The following LAPTM4B variants were observed in gnomAD, a reference collection of about 807,000 sequenced individuals.
The protein encoded by LAPTM4B is lysosomal-associated transmembrane protein 4B.
A neutral mutation model predicts 28.5 loss-of-function variants in LAPTM4B; 26 were observed. The observed-to-expected ratio is 0.91, with a 90% CI of 0.67 to 1.27. The LOEUF is 1.27. Ranked by LOEUF, LAPTM4B falls within the 50% of genes most tolerant of loss-of-function variation. The pLI is 0.00. For synonymous variants in LAPTM4B, 109 were observed against 106.4 expected, an observed-to-expected ratio of 1.02 and a Z score of -0.15; for missense variants, 288 against 285.8, an observed-to-expected ratio of 1.01 and a Z score of -0.06.
intron 2 of LAPTM4B, among the ~76,000 whole-genome samples, chr8:97,812,216 TGTTG>T (rs1428557318): frequency 0.03 from 805 of 27,118 alleles, 10 homozygotes; most frequent in African/African-American, 0.042. Flanking sequence ...GTTTTTTTTT[TGTTG>T]TTTTTTGTTT....
chr8:97,811,977 T>C (rs1443847702), intron 2 of LAPTM4B, among the ~76,000 whole-genome samples: 1 of 151,930 alleles, frequency 6.6e-6, no homozygotes, highest in Non-Finnish European at 1.5e-5. Flanking sequence ...GGCTAATTTT[T>C]GTATTTTTAG....
Position 97,837,877 on chromosome 8 carries a change from T to C in LAPTM4B, c.603+12724T>C, listed in dbSNP as rs138469784. Among the ~76,000 whole-genome samples, 40 of 152,366 alleles carry C rather than the reference T, an allele frequency of 2.6e-4. No individual in the cohort carries two copies. The East Asian group carries it at 7.5e-3, about 29-fold the overall frequency. ...TACTAAGTTTAGAAGAGAGATCTTA[T>C]TACTAATATCTCAATTTTAGGTATC... On this transcript the variant is annotated intron_variant, in intron 6 of 6. Transcript: ENST00000521545.
chr8:97,818,982 A>G (rs1402013480), intron 4 of LAPTM4B, among the ~76,000 whole-genome samples, 158 bp from the exon 5 acceptor site: 1 of 152,184 alleles, frequency 6.6e-6, no homozygotes, highest in Non-Finnish European at 1.5e-5. Context: ...TTTATATGGT[A>G]AGAGGGCAGA....
chr8:97,792,544 C>T (rs1408286147), intron 1 of LAPTM4B, among the ~76,000 whole-genome samples: 2 of 151,528 alleles, frequency 1.3e-5, no homozygotes, highest in Middle Eastern at 3.5e-3. Flanking sequence ...TGTGAGCCGC[C>T]GTGCCTAGCC....
chr8:97,807,399 C>T (rs1297356477), intron 2 of LAPTM4B, among the ~76,000 whole-genome samples: 5 of 152,158 alleles, frequency 3.3e-5, no homozygotes, highest in African/African-American at 1.2e-4. Flanking sequence ...GGCAAAACAC[C>T]ATCTCTACTA....
At chr8:97,782,017 G>C (rs1004586459) in intron 1 of LAPTM4B, among the ~76,000 whole-genome samples, 9 of 144,036 alleles carry the variant, frequency 6.2e-5, no homozygotes, top group Admixed American at 5.6e-4. Flanking sequence ...TTTAGCTCTT[G>C]TTGCCCAGGC....
chr8:97,852,129 A>G lies in LAPTM4B; in HGVS notation c.*655A>G, dbSNP rs548427818. ...TCTTGTGGATCTTGTGTCCAGGGACATGGGGTGACATGCCTCGTATGTGTT... is the reference window on the plus strand; with the variant it reads ...TCTTGTGGATCTTGTGTCCAGGGACGTGGGGTGACATGCCTCGTATGTGTT... On this transcript the variant is annotated 3_prime_UTR_variant, in exon 7 of 7. Transcript: ENST00000521545. 204 of 153,160 alleles carry G rather than the reference A, an allele frequency of 1.3e-3. No homozygotes were observed. The highest frequency in any genetic ancestry group is 2.3e-3 in the Non-Finnish European group (157 of 68,700). 9.5% of individuals were successfully genotyped at this position (153,160 alleles called of 1,614,324 possible).
intron 6 of LAPTM4B, among the ~76,000 whole-genome samples, chr8:97,828,784 G>A (rs1049579783): frequency 1.2e-4 from 18 of 152,316 alleles, no homozygotes; most frequent in African/African-American, 4.1e-4. Flanking sequence ...GAGAGACTGC[G>A]AAATGTGGTG....
At chr8:97,776,132 G>A in intron 1 of LAPTM4B, 24 bp downstream of exon 1, 1 of 1,552,262 alleles carries the variant, frequency 6.4e-7, no homozygotes, top group Non-Finnish European at 8.6e-7. Flanking sequence ...GCCCGGCCCG[G>A]GACCCTGCGT....
chr8:97,835,395 T>G (rs918130975), intron 6 of LAPTM4B, among the ~76,000 whole-genome samples: 1 of 152,194 alleles, frequency 6.6e-6, no homozygotes, highest in Non-Finnish European at 1.5e-5. Context: ...ATATTGGAGA[T>G]CATTCCCTGG....
At chr8:97,829,532 G>A (rs1817146762) in intron 6 of LAPTM4B, among the ~76,000 whole-genome samples, 1 of 152,088 alleles carries the variant, frequency 6.6e-6, no homozygotes, top group African/African-American at 2.4e-5. Flanking sequence ...AGATGCATAA[G>A]GGAGCAGCAA....
chr8:97,799,301 T>A (rs1266373362), intron 1 of LAPTM4B, among the ~76,000 whole-genome samples: 1 of 152,176 alleles, frequency 6.6e-6, no homozygotes, highest in Admixed American at 6.5e-5. Context: ...TTAATTGGCT[T>A]TCTAGAATTG....
chr8:97,814,325 C>G lies in LAPTM4B; in HGVS notation c.212-1003C>G, dbSNP rs368252004. On this transcript the variant is annotated intron_variant, in intron 2 of 6. Transcript: ENST00000521545. ...AGGAGTTCGAGACCAGCCTGGCCAACATGGTGAAACCCCCGTCTCTACTAA... is the reference window on the plus strand; with the variant it reads ...AGGAGTTCGAGACCAGCCTGGCCAAGATGGTGAAACCCCCGTCTCTACTAA... 1.8e-4 allele frequency among the ~76,000 whole-genome samples: 28 copies of G among 152,268 alleles called. 1 individual carries two copies. In the East Asian group the frequency reaches 4.4e-3, roughly 24 times the overall value.
At chr8:97,777,552 CCCTT>C (rs1816243811) in intron 1 of LAPTM4B, among the ~76,000 whole-genome samples, 2 of 152,096 alleles carry the variant, frequency 1.3e-5, no homozygotes, top group East Asian at 3.9e-4. Flanking sequence ...AACTGTGAAC[CCCTT>C]CCTTGTACCA....
chr8:97,841,139 C>T (rs545716438), intron 6 of LAPTM4B, among the ~76,000 whole-genome samples: 1 of 98,600 alleles, frequency 1.0e-5, no homozygotes, highest in Admixed American at 9.6e-5. Context: ...TCCTCACTTC[C>T]CAGTCAGGGT....
At chr8:97,794,334 A>T (rs1816549634) in intron 1 of LAPTM4B, among the ~76,000 whole-genome samples, 1 of 152,114 alleles carries the variant, frequency 6.6e-6, no homozygotes, top group African/African-American at 2.4e-5. Context: ...CTCATCTTGA[A>T]CTTTTGGCCT....
chr8:97,814,886 G>C (rs569968733), intron 2 of LAPTM4B, among the ~76,000 whole-genome samples: 1 of 152,082 alleles, frequency 6.6e-6, no homozygotes, highest in Non-Finnish European at 1.5e-5. Flanking sequence ...GTACACATGG[G>C]GTTTCACTGT....
chr8:97,830,956 G>A (rs756131671), intron 6 of LAPTM4B, among the ~76,000 whole-genome samples: 22 of 152,234 alleles, frequency 1.4e-4, no homozygotes, highest in Non-Finnish European at 2.6e-4. Context: ...AAAAATGTGC[G>A]GCCATATAGG....
At chr8:97,811,128 G>A (rs1259412683) in intron 2 of LAPTM4B, among the ~76,000 whole-genome samples, 1 of 152,184 alleles carries the variant, frequency 6.6e-6, no homozygotes, top group African/African-American at 2.4e-5. Flanking sequence ...TGGTATCGAT[G>A]CCAAACAGCT....
Sources: gnomAD v4.1 joint callset for allele counts (sites outside exome capture counted in the v4.1 genomes callset) on GRCh38, gnomAD v4.1.1 for gene constraint, MANE v1.5 for transcripts, NCBI Gene and HGNC (gene_info 2026-07-23, HGNC 2026-07-21) for gene names.